Variants in CEP350 observed in about 807,000 individuals in gnomAD.
CEP350 encodes the protein centrosomal protein 350, also known as centrosome-associated protein 350.
A neutral mutation model predicts 331.8 loss-of-function variants in CEP350; 126 were observed. The ratio of observed to expected loss-of-function variants is 0.38; its 90% CI spans 0.33 to 0.44. CEP350 has a LOEUF of 0.44. Among genes scored for constraint, CEP350 ranks in the 20% least tolerant of loss-of-function variants. The pLI, the probability that CEP350 is intolerant of heterozygous loss-of-function variation, is 1.00. For missense variants in CEP350, 3,406 were observed against 3,634.6 expected, an observed-to-expected ratio of 0.94 and a Z score of 1.62; for synonymous variants, 1,200 against 1,259.5, an observed-to-expected ratio of 0.95 and a Z score of 1.00.
chr1:180,109,123 C>CT (rs34359732), intron 37 of CEP350, among the ~76,000 whole-genome samples: 93,343 of 140,290 alleles, frequency 0.67, 32,823 homozygotes, highest in Non-Finnish European at 0.77. Context: ...TTCACTTTCT[C>CT]TTTTTTTTTT....
Position 180,092,607 on chromosome 1 carries a change from C to CT in CEP350, c.6509-4dup. On this transcript the variant is annotated splice_polypyrimidine_tract_variant and splice_region_variant and intron_variant, in intron 33 of 37. Coordinates refer to ENST00000367607, the MANE Select transcript of CEP350 (RefSeq NM_014810.5). The stretch of plus-strand genomic sequence containing the variant: ...ATTTTGATGTGGTGATTTGTTTTTT[C>CT]TTTAAGATGCTTCACTGTCTGGTTC... The CT allele has an allele frequency of 6.7e-7, 1 of 1,487,296 alleles. No individual in the cohort carries two copies. Among genetic ancestry groups the CT allele is most frequent in the Non-Finnish European group, 9.0e-7 (1 of 1,114,824 alleles). The allele number at this position is 1,487,296 out of a possible 1,614,324, so 92.1% of individuals were successfully genotyped here.
At chr1:179,956,004 A>T (rs1217787462) in intron 1 of CEP350, among the ~76,000 whole-genome samples, 2 of 152,222 alleles carry the variant, frequency 1.3e-5, no homozygotes, top group Admixed American at 1.3e-4. Context: ...TCTTTGGCAG[A>T]GCTAGTAACA....
chr1:180,077,535 C>T (rs6425605), intron 28 of CEP350, among the ~76,000 whole-genome samples: 12,585 of 151,654 alleles, frequency 0.083, 779 homozygotes, highest in African/African-American at 0.18. Flanking sequence ...GGCATGGTGG[C>T]GCAGGCCTGT....
At position 180,013,921 on chromosome 1, in the gene CEP350, C is replaced by A; in HGVS notation, c.1468C>A (p.Arg490Ser). The A allele has an allele frequency of 6.2e-7, 1 of 1,613,710 alleles. No individual in the cohort carries two copies. The highest frequency in any genetic ancestry group is 8.5e-7 in the Non-Finnish European group (1 of 1,179,736). Reference sequence around the variant, plus strand: ...TAGACATCTTCAAAGAAACTCAGAACGTTCGAGAAGTAAATCTCGGTCTGA... The same window carrying A: ...TAGACATCTTCAAAGAAACTCAGAAAGTTCGAGAAGTAAATCTCGGTCTGA... ...LHRHLQRNSE[R>S]SRSKSRSENN... Residue 490 changes from arginine (R) to serine (S), a missense_variant, in exon 10 of 38, where the codon CGT becomes AGT. This residue lies in a region of CEP350 where 1,857 missense variants were observed against 1,909.2 expected (regional missense o/e 0.97). Transcript: ENST00000367607.
rs1203657009 is a variant in CEP350 at position 180,004,864 on chromosome 1, AGGCT to A, written c.1133-1581_1133-1578del. Among the ~76,000 whole-genome samples, 208 of 143,678 alleles carry A rather than the reference AGGCT, an allele frequency of 1.4e-3. 1 individual carries two copies. The highest frequency in any genetic ancestry group is 4.3e-3 in the African/African-American group (160 of 37,114). 94.3% of individuals were successfully genotyped at this position (143,678 alleles called of 152,430 possible). A position where few individuals can be genotyped will look rare whatever the true frequency, so the allele number is the denominator to read the frequency against. ...CTCAGTCCTCAGAGCTTGGGCAGGC[AGGCT>A]GGCTGGCTTGCTTGCTTGCTTGCTT... On this transcript the variant is annotated intron_variant, in intron 7 of 37. Coordinates refer to ENST00000367607, the MANE Select transcript of CEP350 (RefSeq NM_014810.5).
intron 1 of CEP350, among the ~76,000 whole-genome samples, chr1:179,966,384 T>G (rs1486430068): frequency 6.6e-6 from 1 of 152,222 alleles, no homozygotes; most frequent in East Asian, 1.9e-4. Context: ...TTACCTTTAG[T>G]AAGATTTCAT....
rs1413785657 is a variant in CEP350 at position 180,014,378 on chromosome 1, A to C, written c.1925A>C (p.Lys642Thr). 2 of 1,596,912 alleles carry C rather than the reference A, an allele frequency of 1.3e-6. No homozygotes were observed. Among genetic ancestry groups the C allele is most frequent in the Admixed American group, 1.8e-5 (1 of 56,752 alleles). The change falls in exon 10 of 38, where the codon AAA (lysine) becomes ACA (threonine). Residue 642 changes from lysine to threonine, a missense_variant. Lys to Thr is a moderately conservative substitution (Grantham distance 78). Around this residue, in one of 5 missense-constraint regions of CEP350, gnomAD observed 1,857 missense variants for 1,909.2 expected, o/e 0.97. Coordinates refer to ENST00000367607, the MANE Select transcript of CEP350 (RefSeq NM_014810.5). ...LYRKQKEAFT[K>T]VKNVPPSEPS... Reference sequence around the variant, plus strand: ...CGGAAGCAGAAGGAAGCCTTTACTAAAGTAAAAAATGTCCCTCCTTCTGAG... The same window carrying C: ...CGGAAGCAGAAGGAAGCCTTTACTACAGTAAAAAATGTCCCTCCTTCTGAG...
intron 27 of CEP350, among the ~76,000 whole-genome samples, chr1:180,071,329 C>T (rs182106371): frequency 9.3e-4 from 138 of 147,640 alleles, no homozygotes; most frequent in African/African-American, 3.2e-3. Context: ...CGTGGTGATG[C>T]GCGCCTGTAA....
At chr1:180,056,475 CCTT>C (rs1558131105) in intron 25 of CEP350, among the ~76,000 whole-genome samples, 1 of 115,712 alleles carries the variant, frequency 8.6e-6, no homozygotes, top group African/African-American at 3.3e-5. Flanking sequence ...TCCCCCCCCC[CCTT>C]TTTTTTTTTG....
At chr1:180,051,893 T>G (rs184918351) in intron 22 of CEP350, among the ~76,000 whole-genome samples, 7 of 152,290 alleles carry the variant, frequency 4.6e-5, no homozygotes, top group Admixed American at 4.6e-4. Context: ...ACATATATAT[T>G]GGGTTTGAAC....
intron 37 of CEP350, among the ~76,000 whole-genome samples, chr1:180,102,576 C>T (rs1392417383): frequency 1.3e-5 from 2 of 152,062 alleles, no homozygotes; most frequent in Non-Finnish European, 2.9e-5. Flanking sequence ...TTTTCTAAGT[C>T]TTTTACATGT....
At chr1:180,099,077 T>A (rs1572000099) in intron 37 of CEP350, 92 bp downstream of exon 37, 8 of 1,240,054 alleles carry the variant, frequency 6.5e-6, no homozygotes, top group Non-Finnish European at 8.8e-6. Context: ...GATAGACTTA[T>A]TCTTAAATCT....
At chr1:180,041,350 A>G (rs968959646) in intron 18 of CEP350, 102 bp downstream of exon 18, 5 of 813,934 alleles carry the variant, frequency 6.1e-6, no homozygotes, top group African/African-American at 5.2e-5. Context: ...AAGTGTATAT[A>G]TAAATAATAA....
chr1:180,027,033 GT>G (rs1417942285), intron 14 of CEP350, among the ~76,000 whole-genome samples: 2 of 152,176 alleles, frequency 1.3e-5, no homozygotes, highest in Non-Finnish European at 2.9e-5. Flanking sequence ...CTGCCATAAT[GT>G]TTTCTATAGC....
intron 1 of CEP350, among the ~76,000 whole-genome samples, chr1:179,978,252 TA>T (rs892456574): frequency 1.8e-4 from 28 of 151,702 alleles, no homozygotes; most frequent in South Asian, 6.2e-4. Flanking sequence ...TCTTTTAAAT[TA>T]AAAAAAAATT....
chr1:180,007,839 C>CGTGTGTGT (rs71118426), intron 8 of CEP350, among the ~76,000 whole-genome samples: 35,860 of 140,760 alleles, frequency 0.25, 5,130 homozygotes, highest in Admixed American at 0.35. Context: ...TTTTATGTAT[C>CGTGTGTGT]GTGTGTGTGT....
At chr1:179,959,149 G>T (rs1161615371) in intron 1 of CEP350, among the ~76,000 whole-genome samples, 1 of 152,192 alleles carries the variant, frequency 6.6e-6, no homozygotes, top group Non-Finnish European at 1.5e-5. Flanking sequence ...ATTAGATCCT[G>T]TGTCAAAACA....
rs903997188 is a variant in CEP350, at chr1:180,113,262, G to A, written c.*2101G>A. 2 of 151,994 alleles carry A rather than the reference G, an allele frequency of 1.3e-5. No homozygotes were observed. The highest frequency in any genetic ancestry group is 1.5e-5 in the Non-Finnish European group (1 of 67,998). 9.4% of individuals were successfully genotyped at this position (151,994 alleles called of 1,614,324 possible). Reference sequence around the variant, plus strand: ...CAGCTGCTGTAAATTTTTTATAAATGAATTTCAAAATGTTATAATGGGACT... The same window carrying A: ...CAGCTGCTGTAAATTTTTTATAAATAAATTTCAAAATGTTATAATGGGACT... On this transcript the variant is annotated 3_prime_UTR_variant, in exon 38 of 38. Coordinates refer to ENST00000367607, the MANE Select transcript of CEP350 (RefSeq NM_014810.5).
At chr1:179,991,351 C>T (rs1269318013) in intron 4 of CEP350, among the ~76,000 whole-genome samples, 1 of 133,264 alleles carries the variant, frequency 7.5e-6, no homozygotes, top group Admixed American at 8.3e-5. Flanking sequence ...GAGTCTCACT[C>T]TGTCGCCCAG....
Sources: gnomAD v4.1 joint callset for allele counts (sites outside exome capture counted in the v4.1 genomes callset) on GRCh38, gnomAD v4.1.1 for gene constraint, gnomAD v4.1.1 regional missense constraint, MANE v1.5 for transcripts, NCBI Gene and HGNC (gene_info 2026-07-23, HGNC 2026-07-21) for gene names.